Variants in PRIM2 observed in about 807,000 individuals in gnomAD.
PRIM2 encodes DNA primase subunit 2, also known as DNA primase large subunit.
Under a neutral mutation model 67.3 loss-of-function variants are expected in PRIM2, and 39 were observed. The observed-to-expected ratio is 0.58, with a 90% confidence interval of 0.45 to 0.76. PRIM2 has a LOEUF of 0.76. Ranked by LOEUF, PRIM2 falls within the 30% of genes least tolerant of loss-of-function variation. The probability of loss-of-function intolerance (pLI) is 0.00; values close to 1 mark genes in which losing one functional copy is unlikely to be tolerated. For missense variants in PRIM2, 398 were observed against 598.7 expected, an observed-to-expected ratio of 0.66 and a Z score of 3.50; for synonymous variants, 143 against 198.7, an observed-to-expected ratio of 0.72 and a Z score of 2.36.
chr6:57,532,786 G>C (rs1449310625), intron 9 of PRIM2, among the ~76,000 whole-genome samples: 1 of 152,094 alleles, frequency 6.6e-6, no homozygotes, highest in Non-Finnish European at 1.5e-5. Context: ...TTAATAAAGG[G>C]GAAATGGAAA....
Position 57,382,425 on chromosome 6 carries a change from G to T in PRIM2, c.693+257G>T. On this transcript the variant is annotated intron_variant, in intron 7 of 13. Transcript: ENST00000615550. Reference sequence around the variant, plus strand: ...GTGATTAATTTTGTGAGTAACCTCTGTGGGTTTCTTCATGGTCATGTCTTT... The same window carrying T: ...GTGATTAATTTTGTGAGTAACCTCTTTGGGTTTCTTCATGGTCATGTCTTT... 1.6e-5 allele frequency: 5 copies of T among 307,864 alleles called. No homozygotes were observed. The South Asian group carries it at 5.0e-4, about 31-fold the overall frequency. 19.1% of individuals were successfully genotyped at this position (307,864 alleles called of 1,614,324 possible).
At chr6:57,644,667 C>G (rs1230137873) in intron 13 of PRIM2, among the ~76,000 whole-genome samples, 2 of 152,186 alleles carry the variant, frequency 1.3e-5, no homozygotes, top group Admixed American at 6.5e-5. Context: ...GTGCAAGTCA[C>G]TTCAGTACGA....
chr6:57,286,373 G>C, the PRIM2 span, among the ~76,000 whole-genome samples: 14 of 152,204 alleles, frequency 9.2e-5, no homozygotes, highest in African/African-American at 3.4e-4. Flanking sequence ...CAAGGCTACA[G>C]TAACCAAAAC....
At position 57,537,555 on chromosome 6, in the gene PRIM2, G is replaced by A. The variant is rs1385292839; in HGVS notation, c.950G>A (p.Gly317Asp). The change falls in exon 10 of 14, where the codon GGT (glycine) becomes GAT (aspartate). Residue 317 changes from glycine to aspartate, a missense_variant. Gly to Asp is a moderately conservative substitution (Grantham distance 94). Around this residue, in one of 4 missense-constraint regions of PRIM2, gnomAD observed 229 missense variants for 383.6 expected, o/e 0.60. Transcript: ENST00000615550. Reference sequence around the variant, plus strand: ...TATGGCCTATTTCTGAAGGGCATTGGTTTAACTTTGGAACAGGCATTGCAG... The same window carrying A: ...TATGGCCTATTTCTGAAGGGCATTGATTTAACTTTGGAACAGGCATTGCAG... ...MQYGLFLKGI[G>D]LTLEQALQFW... The A allele has an allele frequency of 1.9e-6, 3 of 1,586,864 alleles. No homozygotes were observed. In the East Asian group the frequency reaches 6.8e-5, roughly 36 times the overall value.
chr6:57,271,466 G>C, the PRIM2 span, among the ~76,000 whole-genome samples: 1 of 152,142 alleles, frequency 6.6e-6, no homozygotes, highest in South Asian at 2.1e-4. Flanking sequence ...TGTGGGATTG[G>C]TGGTGATATC....
intron 8 of PRIM2, among the ~76,000 whole-genome samples, chr6:57,515,006 G>A (rs1774452283): frequency 6.6e-6 from 1 of 152,064 alleles, no homozygotes; most frequent in South Asian, 2.1e-4. Flanking sequence ...AATGTTTTTG[G>A]TAAAATGTAT....
chr6:57,304,521 A>G, the PRIM2 span, among the ~76,000 whole-genome samples: 3 of 152,366 alleles, frequency 2.0e-5, no homozygotes, highest in South Asian at 4.1e-4. Context: ...GAGAAAGCAC[A>G]AAACAACATA....
chr6:57,620,167 A>T (rs1169635163), intron 12 of PRIM2, among the ~76,000 whole-genome samples: 1 of 152,106 alleles, frequency 6.6e-6, no homozygotes, highest in Non-Finnish European at 1.5e-5. Context: ...CTGCACTCCA[A>T]CTTGGGTGAC....
At chr6:57,258,818 A>G in the PRIM2 span, among the ~76,000 whole-genome samples, 1 of 152,076 alleles carries the variant, frequency 6.6e-6, no homozygotes, top group African/African-American at 2.4e-5. Flanking sequence ...ACTCAACTCT[A>G]CCATCTCCTC....
intron 10 of PRIM2, among the ~76,000 whole-genome samples, chr6:57,572,955 T>G (rs1374626073): frequency 5.3e-5 from 8 of 152,230 alleles, no homozygotes; most frequent in African/African-American, 1.7e-4. Context: ...TTATTTACTT[T>G]TGTTAGAGAT....
At chr6:57,597,807 G>A (rs1229082746) in intron 10 of PRIM2, among the ~76,000 whole-genome samples, 3 of 151,942 alleles carry the variant, frequency 2.0e-5, no homozygotes, top group Non-Finnish European at 4.4e-5. Context: ...AAAAGAGGGG[G>A]GATTTACCTG....
the PRIM2 span, among the ~76,000 whole-genome samples, chr6:57,229,369 C>G: frequency 1.3e-5 from 2 of 152,094 alleles, no homozygotes; most frequent in African/African-American, 4.8e-5. Flanking sequence ...TCTCAATGAA[C>G]TACATTTAAA....
At position 57,646,197 on chromosome 6, in the gene PRIM2, T is replaced by A; in HGVS notation, c.*39T>A. 7.5e-7 allele frequency: 1 copy of A among 1,332,666 alleles called. No homozygotes were observed. Among genetic ancestry groups the A allele is most frequent in the Non-Finnish European group, 1.1e-6 (1 of 939,520 alleles). 82.6% of individuals were successfully genotyped at this position (1,332,666 alleles called of 1,614,324 possible). A position where few individuals can be genotyped will look rare whatever the true frequency, so the allele number is the denominator to read the frequency against. Reference sequence around the variant, plus strand: ...CCTTTTTCCTCAATAGCCTGTTTCCTGTTTTTAAGATTTTGCCTTTGTTGT... The same window carrying A: ...CCTTTTTCCTCAATAGCCTGTTTCCAGTTTTTAAGATTTTGCCTTTGTTGT... On this transcript the variant is annotated 3_prime_UTR_variant, in exon 14 of 14. Coordinates refer to ENST00000615550, the MANE Select transcript of PRIM2 (RefSeq NM_000947.5).
At chr6:57,355,710 G>A (rs755319677) in intron 5 of PRIM2, among the ~76,000 whole-genome samples, 6 of 152,002 alleles carry the variant, frequency 3.9e-5, no homozygotes, top group African/African-American at 9.7e-5. Context: ...GCAGTGGTGC[G>A]ATCATGGCTT....
intron 8 of PRIM2, among the ~76,000 whole-genome samples, chr6:57,510,417 T>C (rs1470785842): frequency 6.6e-6 from 1 of 152,174 alleles, no homozygotes; most frequent in African/African-American, 2.4e-5. Flanking sequence ...AATCTCACAG[T>C]TGATTCTGAG....
At chr6:57,363,509 A>AT in intron 5 of PRIM2, among the ~76,000 whole-genome samples, 1 of 152,184 alleles carries the variant, frequency 6.6e-6, no homozygotes, top group East Asian at 1.9e-4. Flanking sequence ...ATTGGAAGAC[A>AT]TTTTTGCTGG....
At chr6:57,608,677 C>T (rs1464608374) in intron 12 of PRIM2, among the ~76,000 whole-genome samples, 1 of 149,432 alleles carries the variant, frequency 6.7e-6, no homozygotes, top group Non-Finnish European at 1.5e-5. Flanking sequence ...CATGCCACTG[C>T]ACTCCAGCAT....
the PRIM2 span, among the ~76,000 whole-genome samples, chr6:57,278,603 C>T: frequency 6.6e-6 from 1 of 152,144 alleles, no homozygotes; most frequent in Non-Finnish European, 1.5e-5. Flanking sequence ...TTGACAAAAA[C>T]ACCAAAATAT....
chr6:57,431,822 T>C (rs1771840644), intron 7 of PRIM2, among the ~76,000 whole-genome samples: 1 of 152,202 alleles, frequency 6.6e-6, no homozygotes, highest in Admixed American at 6.5e-5. Context: ...TTATCTCTCT[T>C]CCTTCACTAA....
Sources: gnomAD v4.1 joint callset for allele counts (sites outside exome capture counted in the v4.1 genomes callset) on GRCh38, gnomAD v4.1.1 for gene constraint, gnomAD v4.1.1 regional missense constraint, MANE v1.5 for transcripts, NCBI Gene and HGNC (gene_info 2026-07-23, HGNC 2026-07-21) for gene names.